The following ATP9A variants were observed in gnomAD, a reference collection of about 807,000 sequenced individuals.
ATP9A encodes the protein probable phospholipid-transporting ATPase IIA.
ATP9A carries 52 observed loss-of-function variants against 144.1 expected under a neutral mutation model. That is an observed-to-expected ratio of 0.36 (90% CI 0.29 to 0.45). The LOEUF (loss-of-function observed/expected upper bound fraction) is 0.45, where lower values mean the gene tolerates loss of function less well. Ranked by LOEUF, ATP9A falls within the 20% of genes least tolerant of loss-of-function variation. The pLI is 1.00. For synonymous variants in ATP9A, 582 were observed against 557.4 expected (o/e 1.04, Z -0.62); for missense variants, 947 against 1,392.7 (o/e 0.68, Z 5.09).
intron 1 of ATP9A, among the ~76,000 whole-genome samples, chr20:51,739,469 A>T (rs1237437614): frequency 6.7e-6 from 1 of 149,090 alleles, no homozygotes; most frequent in African/African-American, 2.5e-5. Context: ...CTCCTCCCTC[A>T]GCCTCCCGAG....
At chr20:51,717,809 C>A (rs1055757257) in intron 3 of ATP9A, among the ~76,000 whole-genome samples, 7 of 152,010 alleles carry the variant, frequency 4.6e-5, no homozygotes, top group African/African-American at 1.7e-4. Context: ...CAAAACTTAG[C>A]CGAGCATGGT....
chr20:51,743,396 A>ATTTTTTTTTTT lies in ATP9A; in HGVS notation c.69-13429_69-13419dup, dbSNP rs769952209. Among the ~76,000 whole-genome samples, 228 of 89,838 alleles carry ATTTTTTTTTTT rather than the reference A, an allele frequency of 2.5e-3. 16 individuals are homozygous for ATTTTTTTTTTT. Among genetic ancestry groups the ATTTTTTTTTTT allele is most frequent in the Non-Finnish European group, 3.0e-3 (151 of 50,088 alleles). The allele number at this position is 89,838 out of a possible 152,430, so 58.9% of individuals were successfully genotyped here. On this transcript the variant is annotated intron_variant, in intron 1 of 27. Coordinates refer to ENST00000338821, the MANE Select transcript of ATP9A (RefSeq NM_006045.3). ...GAGATGGGCTGCAAGACCGAAACTG[A>ATTTTTTTTTTT]TTTTTTTTTTTTTTTTTTTTTGAGA...
chr20:51,632,931 T>C (rs1315113713), intron 15 of ATP9A, among the ~76,000 whole-genome samples: 2 of 152,094 alleles, frequency 1.3e-5, no homozygotes, highest in East Asian at 1.9e-4. Flanking sequence ...GAGACCAGCC[T>C]GCCCAACATG....
At chr20:51,623,874 A>C (rs933955565) in intron 18 of ATP9A, among the ~76,000 whole-genome samples, 2 of 152,056 alleles carry the variant, frequency 1.3e-5, no homozygotes, top group African/African-American at 4.8e-5. Flanking sequence ...TTACCAACTA[A>C]CCTGCCCCAT....
chr20:51,753,381 G>T (rs2077841030), intron 1 of ATP9A, among the ~76,000 whole-genome samples: 1 of 152,088 alleles, frequency 6.6e-6, no homozygotes. Context: ...AACTCGGAAG[G>T]CGGAGGTTGC....
At chr20:51,761,109 T>C (rs1419460875) in intron 1 of ATP9A, among the ~76,000 whole-genome samples, 3 of 152,232 alleles carry the variant, frequency 2.0e-5, no homozygotes, top group Non-Finnish European at 4.4e-5. Context: ...AGAAAGGGCA[T>C]TTTTGTTTCC....
At chr20:51,620,110 T>C (rs1268065563) in intron 19 of ATP9A, among the ~76,000 whole-genome samples, 1 of 152,144 alleles carries the variant, frequency 6.6e-6, no homozygotes, top group Admixed American at 6.6e-5. Flanking sequence ...ACTGGGCCAC[T>C]TTTCTGTAAA....
At chr20:51,693,947 A>T in intron 7 of ATP9A, 61 bp downstream of exon 7, 1 of 1,168,114 alleles carries the variant, frequency 8.6e-7, no homozygotes, top group Non-Finnish European at 1.2e-6. Context: ...CCCAGGTATG[A>T]GTTTGAGAAC....
intron 15 of ATP9A, among the ~76,000 whole-genome samples, chr20:51,637,329 A>G (rs2077296588): frequency 7.1e-6 from 1 of 140,086 alleles, no homozygotes; most frequent in Middle Eastern, 3.4e-3. Context: ...AAAAAAAAAA[A>G]GACAACTGGC....
intron 13 of ATP9A, among the ~76,000 whole-genome samples, chr20:51,658,894 G>GGGGGGGC (rs2077399509): frequency 8.9e-6 from 1 of 112,400 alleles, no homozygotes; most frequent in Non-Finnish European, 1.9e-5. Context: ...CTGGCGGGGG[G>GGGGGGGC]GGGGGGGGGA....
rs146041317 is a variant in ATP9A at position 51,695,604 on chromosome 20, C to A, written c.547+489G>T. On this transcript the variant is annotated intron_variant, in intron 6 of 27. Coordinates refer to ENST00000338821, the MANE Select transcript of ATP9A (RefSeq NM_006045.3). ...TTCAGAGATTCCCACCCCACAAACTCAGGCTACAATAAATAAATCAATAGG... is the reference window on the plus strand; with the variant it reads ...TTCAGAGATTCCCACCCCACAAACTAAGGCTACAATAAATAAATCAATAGG... Among the ~76,000 whole-genome samples, 9 of 152,216 alleles carry A rather than the reference C, an allele frequency of 5.9e-5. No homozygotes were observed. In the East Asian group the frequency reaches 1.4e-3, roughly 23 times the overall value.
At chr20:51,637,240 T>C (rs1362528392) in intron 15 of ATP9A, among the ~76,000 whole-genome samples, 1 of 140,150 alleles carries the variant, frequency 7.1e-6, no homozygotes, top group East Asian at 2.1e-4. Context: ...GGTGCAAAGA[T>C]AGGAGGGCGA....
Position 51,598,901 on chromosome 20 carries a change from C to A in ATP9A, c.*2310G>T, listed in dbSNP as rs1238064049. On this transcript the variant is annotated 3_prime_UTR_variant, in exon 28 of 28. Coordinates refer to ENST00000338821, the MANE Select transcript of ATP9A (RefSeq NM_006045.3). Reference sequence around the variant, plus strand: ...ACCCTTGACCGCCTCCGCCCCAGTGCGGCTGAGACAACAGAGTAAAAAGGT... The same window carrying A: ...ACCCTTGACCGCCTCCGCCCCAGTGAGGCTGAGACAACAGAGTAAAAAGGT... 1 of 152,282 alleles carries A rather than the reference C, an allele frequency of 6.6e-6. No individual in the cohort carries two copies. Among genetic ancestry groups the A allele is most frequent in the East Asian group, 1.9e-4 (1 of 5,198 alleles). The allele number at this position is 152,282 out of a possible 1,614,324, so 9.4% of individuals were successfully genotyped here.
At position 51,597,401 on chromosome 20, in the gene ATP9A, G is replaced by T. The variant is rs1361717703; in HGVS notation, c.*3810C>A. On this transcript the variant is annotated 3_prime_UTR_variant, in exon 28 of 28. Coordinates refer to ENST00000338821, the MANE Select transcript of ATP9A (RefSeq NM_006045.3). ...TTAAAAGAAGGGGGAGAAATAAAAT[G>T]TGTTGTATTTACAAAGCTCTTTGTA... 6.6e-6 allele frequency: 1 copy of T among 152,170 alleles called. No homozygotes were observed. The highest frequency in any genetic ancestry group is 1.5e-5 in the Non-Finnish European group (1 of 68,042). The allele number at this position is 152,170 out of a possible 1,614,324, so 9.4% of individuals were successfully genotyped here.
chr20:51,659,310 C>T (rs2077401801), intron 13 of ATP9A, among the ~76,000 whole-genome samples: 1 of 152,194 alleles, frequency 6.6e-6, no homozygotes, highest in Non-Finnish European at 1.5e-5. Context: ...TCTCATTAGA[C>T]CATAGAAACA....
intron 24 of ATP9A, 115 bp downstream of exon 24, chr20:51,609,986 T>C: frequency 1.2e-6 from 1 of 868,428 alleles, no homozygotes; most frequent in Non-Finnish European, 1.9e-6. Context: ...TCGCTGGGGC[T>C]GGGAATCCAA....
chr20:51,689,289 G>T (rs547753190), intron 8 of ATP9A, 150 bp from the exon 9 acceptor site: 2 of 668,228 alleles, frequency 3.0e-6, no homozygotes, highest in Non-Finnish European at 5.1e-6. Flanking sequence ...TCCACCATGA[G>T]GGGAGGGCCA....
At chr20:51,622,561 T>G (rs7274236) in intron 18 of ATP9A, among the ~76,000 whole-genome samples, 2 of 152,154 alleles carry the variant, frequency 1.3e-5, no homozygotes, top group Non-Finnish European at 2.9e-5. Context: ...AAACACTCAT[T>G]TTTGACGCTG....
chr20:51,638,876 T>C (rs1008401217), intron 15 of ATP9A, among the ~76,000 whole-genome samples: 1 of 152,142 alleles, frequency 6.6e-6, no homozygotes, highest in African/African-American at 2.4e-5. Flanking sequence ...CTCTTCAGAC[T>C]GGCAAAATTT....
Sources: allele counts gnomAD v4.1 joint callset (sites outside exome capture counted in the v4.1 genomes callset), GRCh38; gene constraint gnomAD v4.1.1; transcripts MANE v1.5; gene names NCBI Gene and HGNC (gene_info 2026-07-23, HGNC 2026-07-21).